Variants in DUSP26 observed in about 807,000 individuals in gnomAD.
The protein encoded by DUSP26 is dual specificity protein phosphatase 26.
Under a neutral mutation model 20.0 loss-of-function variants are expected in DUSP26, and 12 were observed. The observed-to-expected ratio is 0.60, with a 90% confidence interval of 0.38 to 0.97. The LOEUF is 0.97. Among genes scored for constraint, DUSP26 ranks in the 50% least tolerant of loss-of-function variants. DUSP26 has a pLI of 0.00. For missense variants in DUSP26, 230 were observed against 294.0 expected (o/e 0.78, Z 1.59); for synonymous variants, 120 against 118.8 (o/e 1.01, Z -0.06).
rs78093880 is a variant in DUSP26 at position 33,597,577 on chromosome 8, G to A, written c.-62C>T. 7.1e-4 allele frequency: 1,022 copies of A among 1,444,250 alleles called. 15 individuals carry two copies. In the East Asian group the frequency reaches 0.021, roughly 30 times the overall value. The allele number at this position is 1,444,250 out of a possible 1,614,324, so 89.5% of individuals were successfully genotyped here. Reference sequence around the variant, plus strand: ...GGCTGTGGTGATGATGGGTTCAGTTGCCAGGTAGCTGCTGCTGGAAGAGGA... The same window carrying A: ...GGCTGTGGTGATGATGGGTTCAGTTACCAGGTAGCTGCTGCTGGAAGAGGA... On this transcript the variant is annotated 5_prime_UTR_variant, in exon 2 of 4. Transcript: ENST00000256261.
At chr8:33,597,245 A>G (rs757576093) in intron 2 of DUSP26, 50 bp downstream of exon 2, 3 of 1,518,034 alleles carry the variant, frequency 2.0e-6, no homozygotes, top group Admixed American at 4.1e-5. Flanking sequence ...TTTCTTACAC[A>G]CACAAACACA....
In DUSP26 at chr8:33,593,000, A is replaced by G. The variant is rs187599903; in HGVS notation, c.436+533T>C. 5.9e-5 allele frequency among the ~76,000 whole-genome samples: 9 copies of G among 152,238 alleles called. No individual in the cohort carries two copies. In the East Asian group the frequency reaches 1.7e-3, roughly 29 times the overall value. ...AGAAATCCTCCTGCTGGCTGGGTGCAGTGGCTCATGCCTGTAATTCCAGCA... is the reference window on the plus strand; with the variant it reads ...AGAAATCCTCCTGCTGGCTGGGTGCGGTGGCTCATGCCTGTAATTCCAGCA... On this transcript the variant is annotated intron_variant, in intron 3 of 3. Transcript: ENST00000256261.
At chr8:33,593,820 G>A in intron 2 of DUSP26, 73 bp from the exon 3 acceptor site, 5 of 1,527,784 alleles carry the variant, frequency 3.3e-6, no homozygotes, top group Non-Finnish European at 4.5e-6. Flanking sequence ...TCTACACCCT[G>A]TTAACTTCCT....
chr8:33,595,313 T>C (rs1811116105), intron 2 of DUSP26, among the ~76,000 whole-genome samples: 1 of 152,172 alleles, frequency 6.6e-6, no homozygotes, highest in South Asian at 2.1e-4. Context: ...TCTTGTGTTT[T>C]TGCCAGATAT....
At chr8:33,595,358 T>TTTTG (rs3085245) in intron 2 of DUSP26, among the ~76,000 whole-genome samples, 2 of 151,158 alleles carry the variant, frequency 1.3e-5, no homozygotes, top group South Asian at 2.1e-4. Flanking sequence ...TGTGTTTTTT[T>TTTTG]TTGTTGTTGT....
In DUSP26 at chr8:33,591,407, T is replaced by G. The variant is rs975114315; in HGVS notation, c.*606A>C. ...GTGACAATTTCAAGACTGCCAGCCATGCACCTCTGTATGTTTTTGGCCCAA... is the reference window on the plus strand; with the variant it reads ...GTGACAATTTCAAGACTGCCAGCCAGGCACCTCTGTATGTTTTTGGCCCAA... On this transcript the variant is annotated 3_prime_UTR_variant, in exon 4 of 4. Transcript: ENST00000256261. 6.5e-6 allele frequency: 1 copy of G among 152,716 alleles called. No individual in the cohort carries two copies. The highest frequency in any genetic ancestry group is 2.4e-5 in the African/African-American group (1 of 41,452). The allele number at this position is 152,716 out of a possible 1,614,324, so 9.5% of individuals were successfully genotyped here.
chr8:33,592,316 A>C, intron 3 of DUSP26, 104 bp from the exon 4 acceptor site: 1 of 1,173,932 alleles, frequency 8.5e-7, no homozygotes, highest in Non-Finnish European at 1.2e-6. Flanking sequence ...CACGGCGGTA[A>C]TTCCAGCACT....
rs1811024691 is a variant in DUSP26, at chr8:33,591,812, G to T, written c.*201C>A. ...CTCCTTCCCTGGTCAACCCTTCCTG[G>T]GTGCCCATCCACCACACTGCCCAAC... On this transcript the variant is annotated 3_prime_UTR_variant, in exon 4 of 4. Coordinates refer to ENST00000256261, the MANE Select transcript of DUSP26 (RefSeq NM_024025.3). The T allele has an allele frequency of 3.3e-6, 2 of 603,782 alleles. No homozygotes were observed. The highest frequency in any genetic ancestry group is 6.3e-5 in the Admixed American group (2 of 31,588). The allele number at this position is 603,782 out of a possible 1,614,324, so 37.4% of individuals were successfully genotyped here. A position where few individuals can be genotyped will look rare whatever the true frequency, so the allele number is the denominator to read the frequency against.
chr8:33,593,235 G>A lies in DUSP26; in HGVS notation c.436+298C>T, dbSNP rs924728100. 2.0e-5 allele frequency among the ~76,000 whole-genome samples: 3 copies of A among 152,202 alleles called. No homozygotes were observed. In the South Asian group the frequency reaches 6.2e-4, roughly 32 times the overall value. Reference sequence around the variant, plus strand: ...TACAGTGAGCTGAGATCACGTCACTGCACTCCAGCCTGGGTGACAGAGAAA... The same window carrying A: ...TACAGTGAGCTGAGATCACGTCACTACACTCCAGCCTGGGTGACAGAGAAA... On this transcript the variant is annotated intron_variant, in intron 3 of 3. Coordinates refer to ENST00000256261, the MANE Select transcript of DUSP26 (RefSeq NM_024025.3).
chr8:33,597,072 C>T (rs894536), intron 2 of DUSP26, among the ~76,000 whole-genome samples: 78,785 of 151,796 alleles, frequency 0.52, 21,195 homozygotes, highest in African/African-American at 0.65. Context: ...CTGCTGGGAT[C>T]ACAGGCAAGA....
intron 3 of DUSP26, among the ~76,000 whole-genome samples, chr8:33,593,045 G>T (rs1811058561): frequency 6.6e-6 from 1 of 152,146 alleles, no homozygotes; most frequent in Non-Finnish European, 1.5e-5. Context: ...GCCGAGGCGG[G>T]TGGATCACCT....
intron 2 of DUSP26, among the ~76,000 whole-genome samples, chr8:33,594,423 TC>T (rs1271887334): frequency 6.6e-6 from 1 of 151,524 alleles, no homozygotes; most frequent in African/African-American, 2.4e-5. Flanking sequence ...AAACCCCATC[TC>T]TACTAAAAAT....
At chr8:33,597,912 G>GACACACACA (rs1554537126) in intron 1 of DUSP26, 1 of 64,632 alleles carries the variant, frequency 1.5e-5, no homozygotes, top group Non-Finnish European at 3.1e-5. Context: ...CACACACACG[G>GACACACACA]CACTTGGGTG....
Position 33,597,339 on chromosome 8 carries a change from A to G in DUSP26, c.177T>C (p.Cys59=), listed in dbSNP as rs1811171619. Residue 59 remains cysteine, a synonymous_variant, in exon 2 of 4, where the codon TGT becomes TGC. Transcript: ENST00000256261. Reference sequence around the variant, plus strand: ...CTGGCCAGACCTCGTCGGCATGGTTACAGGCTGTCTTGCCTGTGTAGAGGA... The same window carrying G: ...CTGGCCAGACCTCGTCGGCATGGTTGCAGGCTGTCTTGCCTGTGTAGAGGA... The part of the protein sequence containing the change: ...ERLLYTGKTA[C]NHADEVWPGL... 2 of 1,613,812 alleles carry G rather than the reference A, an allele frequency of 1.2e-6. No individual in the cohort carries two copies. Among genetic ancestry groups the G allele is most frequent in the East Asian group, 4.5e-5 (2 of 44,864 alleles).
chr8:33,596,394 A>G (rs1198123213), intron 2 of DUSP26, among the ~76,000 whole-genome samples: 2 of 152,154 alleles, frequency 1.3e-5, no homozygotes, highest in Non-Finnish European at 2.9e-5. Flanking sequence ...CCTGGGCAAC[A>G]CGGTGAAACC....
At chr8:33,597,778 C>T (rs1020107870) in intron 1 of DUSP26, 187 bp from the exon 2 acceptor site, 42 of 426,968 alleles carry the variant, frequency 9.8e-5, no homozygotes, top group Admixed American at 7.8e-5. Context: ...TTGGCTCTGC[C>T]ACGAAACGAG....
intron 2 of DUSP26, 38 bp from the exon 3 acceptor site, chr8:33,593,785 C>T (rs1335506357): frequency 6.2e-7 from 1 of 1,602,366 alleles, no homozygotes; most frequent in South Asian, 1.1e-5. Flanking sequence ...GTGGGAAAGC[C>T]AGGTTGTTGG....
rs1330113316 is a variant in DUSP26, at chr8:33,592,081, G to T, written c.568C>A (p.Pro190Thr). 1.2e-6 allele frequency: 2 copies of T among 1,613,974 alleles called. No homozygotes were observed. The highest frequency in any genetic ancestry group is 1.7e-6 in the Non-Finnish European group (2 of 1,180,018). The change falls in exon 4 of 4, where the codon CCC becomes ACC. Residue 190 changes from proline (P) to threonine (T), a missense_variant. Pro to Thr is a conservative substitution (Grantham distance 38). Transcript: ENST00000256261. ...AGCTGCCTCAGGAAGCCCCGGTTGG[G>T]GATGATGCCTCGGTGGTCTTTGACT... ...KKVKDHRGII[P>T]NRGFLRQLLA...
intron 1 of DUSP26, among the ~76,000 whole-genome samples, chr8:33,598,798 T>C (rs1239329538): frequency 6.6e-6 from 1 of 152,024 alleles, no homozygotes. Flanking sequence ...CCTGCCTGTT[T>C]GAAAGCAGGA....
Sources: gnomAD v4.1 joint callset for allele counts (sites outside exome capture counted in the v4.1 genomes callset) on GRCh38, gnomAD v4.1.1 for gene constraint, MANE v1.5 for transcripts, NCBI Gene and HGNC (gene_info 2026-07-23, HGNC 2026-07-21) for gene names.